Variants in EYS observed in about 807,000 individuals in gnomAD.
The protein encoded by EYS is protein eyes shut homolog.
In EYS, 250 loss-of-function variants were observed where a neutral mutation model predicts 282.1. The ratio of observed to expected loss-of-function variants is 0.89; its 90% CI spans 0.80 to 0.98. The LOEUF (loss-of-function observed/expected upper bound fraction) is 0.98, where lower values mean the gene tolerates loss of function less well. EYS is among the 50% of genes least tolerant of loss of function. The pLI, the probability that EYS is intolerant of heterozygous loss-of-function variation, is 0.00. For synonymous variants in EYS, 1,355 were observed against 1,282.9 expected (o/e 1.06, Z -1.20); for missense variants, 4,016 against 3,709.0 (o/e 1.08, Z -2.15).
intron 30 of EYS, among the ~76,000 whole-genome samples, chr6:64,246,759 T>C (rs1226790142): frequency 6.6e-6 from 1 of 152,202 alleles, no homozygotes; most frequent in African/African-American, 2.4e-5. Flanking sequence ...AGATAAGGCA[T>C]TTAAAAACAA....
At chr6:65,621,603 T>C (rs1288212917) in intron 2 of EYS, among the ~76,000 whole-genome samples, 1 of 151,774 alleles carries the variant, frequency 6.6e-6, no homozygotes, top group Non-Finnish European at 1.5e-5. Context: ...ATTATGATGT[T>C]AGCTGGTTAT....
intron 33 of EYS, among the ~76,000 whole-genome samples, chr6:64,028,184 G>C (rs930871550): frequency 1.3e-5 from 2 of 152,156 alleles, no homozygotes; most frequent in Non-Finnish European, 2.9e-5. Flanking sequence ...TACTTGAGGA[G>C]GGAATCAATC....
intron 12 of EYS, among the ~76,000 whole-genome samples, chr6:65,272,854 G>T (rs1000756834): frequency 6.6e-6 from 1 of 151,982 alleles, no homozygotes; most frequent in African/African-American, 2.4e-5. Context: ...TGGCATGAGC[G>T]GCCTTAATCT....
intron 29 of EYS, among the ~76,000 whole-genome samples, chr6:64,349,218 T>C (rs1771525315): frequency 6.6e-6 from 1 of 151,324 alleles, no homozygotes; most frequent in Non-Finnish European, 1.5e-5. Context: ...AACTAAATAA[T>C]AAAATGTGTA....
In EYS at chr6:63,721,262, G is replaced by C; in HGVS notation, c.8769C>G (p.His2923Gln). The C allele has an allele frequency of 6.4e-7, 1 of 1,551,856 alleles. No individual in the cohort carries two copies. Among genetic ancestry groups the C allele is most frequent in the South Asian group, 1.2e-5 (1 of 84,054 alleles). Residue 2923 changes from histidine to glutamine, a missense_variant, in exon 43 of 43, where the codon CAC becomes CAG. By Grantham distance (24) the His-to-Gln change is conservative. Coordinates refer to ENST00000503581, the MANE Select transcript of EYS (RefSeq NM_001142800.2). ...SVSCLNNLCL[H>Q]QSLCIPDQSF... ...ATTGGTCAGGTATACATAAAGATTG[G>C]TGGAGGCAAAGATTATTCAAACAGG...
chr6:65,585,430 T>C (rs1311122019), intron 2 of EYS, among the ~76,000 whole-genome samples: 1 of 151,866 alleles, frequency 6.6e-6, no homozygotes, highest in Non-Finnish European at 1.5e-5. Flanking sequence ...TGAATCTAGA[T>C]GGTATAAACA....
rs375392786 is a variant in EYS, at chr6:65,384,483, G to A, written c.1202C>T (p.Thr401Ile). The stretch of plus-strand genomic sequence containing the variant: ...AATTGCTTTCTCACAGTTTTTTTCA[G>A]TAAATCCTGATATACAGCTGTAAAT... ...DYPCSCISGF[T>I]EKNCEKAIDH... The change falls in exon 8 of 43, where the codon ACT (threonine) becomes ATT (isoleucine). Residue 401 changes from threonine to isoleucine, a missense_variant. Transcript: ENST00000503581. 2.5e-6 allele frequency: 4 copies of A among 1,591,452 alleles called. No homozygotes were observed. In the African/African-American group the frequency reaches 4.0e-5, roughly 16 times the overall value.
intron 26 of EYS, among the ~76,000 whole-genome samples, chr6:64,550,130 C>G (rs536485678): frequency 5.3e-4 from 81 of 152,270 alleles, no homozygotes; most frequent in African/African-American, 1.9e-3. Flanking sequence ...TTAATCGAGT[C>G]TATCATTGTT....
rs1229046836 is a variant in EYS at position 65,159,873 on chromosome 6, A to C, written c.2024-102146T>G. On this transcript the variant is annotated intron_variant, in intron 12 of 42. Coordinates refer to ENST00000503581, the MANE Select transcript of EYS (RefSeq NM_001142800.2). Reference sequence around the variant, plus strand: ...AATTAGAAATAACAGTTGGAGAGAGAGAAGAGAGGGATGTAAGTGTCATTA... The same window carrying C: ...AATTAGAAATAACAGTTGGAGAGAGCGAAGAGAGGGATGTAAGTGTCATTA... Among the ~76,000 whole-genome samples the C allele has an allele frequency of 2.0e-5, 3 of 151,100 alleles. No homozygotes were observed. In the Admixed American group the frequency reaches 2.0e-4, roughly 10 times the overall value.
chr6:65,054,404 T>TA (rs1298705424), intron 13 of EYS, among the ~76,000 whole-genome samples: 1 of 152,054 alleles, frequency 6.6e-6, no homozygotes, highest in Non-Finnish European at 1.5e-5. Flanking sequence ...ATGAAAAAGT[T>TA]AAAAACTGTG....
rs187144449 is a variant in EYS at position 65,638,494 on chromosome 6, G to A, written c.-333+1284C>T. Among the ~76,000 whole-genome samples, 383 of 152,298 alleles carry A rather than the reference G, an allele frequency of 2.5e-3. 1 individual carries two copies. Among genetic ancestry groups the A allele is most frequent in the Admixed American group, 5.4e-3 (82 of 15,304 alleles). ...CAGACCTAGGGGCTCCCCGAGCCAG[G>A]GCCGTGACACCCTCTTTGGGGCTCT... is the stretch of plus-strand genomic sequence containing the variant. On this transcript the variant is annotated intron_variant, in intron 2 of 42. Transcript: ENST00000503581.
chr6:65,009,837 G>A (rs1771810307), intron 13 of EYS, among the ~76,000 whole-genome samples: 1 of 152,108 alleles, frequency 6.6e-6, no homozygotes, highest in Non-Finnish European at 1.5e-5. Context: ...AGGCACCAGG[G>A]CCCTCAGTCA....
intron 12 of EYS, among the ~76,000 whole-genome samples, chr6:65,108,356 G>A (rs1775106831): frequency 6.6e-6 from 1 of 152,086 alleles, no homozygotes; most frequent in East Asian, 1.9e-4. Context: ...GGAGTGCAGT[G>A]GCTTGATCTT....
intron 33 of EYS, among the ~76,000 whole-genome samples, chr6:64,041,614 C>A (rs1770395036): frequency 6.6e-6 from 1 of 152,150 alleles, no homozygotes; most frequent in South Asian, 2.1e-4. Context: ...ACCAAAATTC[C>A]TTTTGTATCA....
chr6:64,435,472 A>G (rs1210049107), intron 28 of EYS, among the ~76,000 whole-genome samples: 2 of 149,850 alleles, frequency 1.3e-5, no homozygotes, highest in African/African-American at 2.4e-5. Flanking sequence ...TTGGCTTTAA[A>G]CAGATGTTTC....
At chr6:65,465,502 CCAAA>C (rs1370816626) in intron 5 of EYS, among the ~76,000 whole-genome samples, 3 of 150,808 alleles carry the variant, frequency 2.0e-5, no homozygotes, top group Non-Finnish European at 3.0e-5. Flanking sequence ...CAAACACCAA[CCAAA>C]CAAACAAAAA....
chr6:65,501,905 A>G (rs760741134), intron 2 of EYS, among the ~76,000 whole-genome samples: 4 of 151,724 alleles, frequency 2.6e-5, no homozygotes, highest in African/African-American at 9.7e-5. Context: ...ATTTACCAAC[A>G]GCATTATTTG....
At chr6:64,317,338 G>GA (rs59815012) in intron 29 of EYS, among the ~76,000 whole-genome samples, 5,526 of 134,230 alleles carry the variant, frequency 0.041, 233 homozygotes, top group African/African-American at 0.12. Flanking sequence ...AAATTTACAA[G>GA]AAAAAAAAAA....
chr6:64,752,071 C>CA (rs1772777715), intron 22 of EYS, among the ~76,000 whole-genome samples: 1 of 151,734 alleles, frequency 6.6e-6, no homozygotes, highest in African/African-American at 2.4e-5. Context: ...TGAAAACAAC[C>CA]AACCAAACAA....
Sources: allele counts gnomAD v4.1 joint callset (sites outside exome capture counted in the v4.1 genomes callset), GRCh38; gene constraint gnomAD v4.1.1; transcripts MANE v1.5; gene names NCBI Gene and HGNC (gene_info 2026-07-23, HGNC 2026-07-21).